The following PTCRA variants were observed in gnomAD, a reference collection of about 807,000 sequenced individuals.
PTCRA encodes pre T-cell antigen receptor alpha.
A neutral mutation model predicts 13.4 loss-of-function variants in PTCRA; 9 were observed. That is an observed-to-expected ratio of 0.67 (90% CI 0.41 to 1.18). PTCRA has a LOEUF of 1.18. Among genes scored for constraint, PTCRA ranks in the 50% most tolerant of loss-of-function variants. PTCRA has a pLI of 0.01. For missense variants in PTCRA, 353 were observed against 359.8 expected (o/e 0.98, Z 0.15); for synonymous variants, 153 against 161.9 (o/e 0.94, Z 0.42).
At position 42,920,660 on chromosome 6, in the gene PTCRA, C is replaced by T. The variant is rs1406497723; in HGVS notation, c.59-2367C>T. Among the ~76,000 whole-genome samples the T allele has an allele frequency of 3.9e-5, 6 of 152,106 alleles. 1 individual carries two copies. In the South Asian group the frequency reaches 1.2e-3, roughly 32 times the overall value. The stretch of plus-strand genomic sequence containing the variant: ...CAGGATGGTCTCTATCTCCTGACCT[C>T]GTGATCCACCCACCTTGGCCTCCCA... On this transcript the variant is annotated intron_variant, in intron 1 of 3. Coordinates refer to ENST00000304672, the MANE Select transcript of PTCRA (RefSeq NM_138296.3).
At chr6:42,917,550 T>C (rs1766936584) in intron 1 of PTCRA, among the ~76,000 whole-genome samples, 1 of 139,138 alleles carries the variant, frequency 7.2e-6, no homozygotes, top group African/African-American at 2.9e-5. Context: ...ATTATTATTA[T>C]TATTATTATT....
At chr6:42,918,689 C>T (rs1477413845) in intron 1 of PTCRA, among the ~76,000 whole-genome samples, 4 of 152,032 alleles carry the variant, frequency 2.6e-5, no homozygotes, top group African/African-American at 9.7e-5. Flanking sequence ...AAATCTTAGT[C>T]ATCCTTCAAA....
At position 42,923,364 on chromosome 6, in the gene PTCRA, G is replaced by T. The variant is rs763604373; in HGVS notation, c.379+17G>T. 57 of 1,610,406 alleles carry T rather than the reference G, an allele frequency of 3.5e-5. No homozygotes were observed. In the East Asian group the frequency reaches 1.2e-3, roughly 35 times the overall value. On this transcript the variant is annotated intron_variant, in intron 2 of 3. Transcript: ENST00000304672. Reference sequence around the variant, plus strand: ...ATCTGTCAGGTGGGGATGGAGCCTGGGCCCTTGCGGATGCTCCCTGTCCCC... The same window carrying T: ...ATCTGTCAGGTGGGGATGGAGCCTGTGCCCTTGCGGATGCTCCCTGTCCCC...
Position 42,923,310 on chromosome 6 carries a change from G to C in PTCRA, c.342G>C (p.Glu114Asp), listed in dbSNP as rs1245793080. Reference protein sequence around the residue: ...PLVCHTGPGAEGHSRSTQPMH... With the variant: ...PLVCHTGPGADGHSRSTQPMH... ...TCTGCCACACTGGGCCTGGGGCTGA[G>C]GGTCACAGCAGGAGTACACAGCCCA... Residue 114 changes from glutamate (E) to aspartate (D), a missense_variant, in exon 2 of 4, where the codon GAG becomes GAC. By Grantham distance (45) the Glu-to-Asp change is conservative (BLOSUM62 2). Coordinates refer to ENST00000304672, the MANE Select transcript of PTCRA (RefSeq NM_138296.3). 6.2e-7 allele frequency: 1 copy of C among 1,614,208 alleles called. No homozygotes were observed. The highest frequency in any genetic ancestry group is 8.5e-7 in the Non-Finnish European group (1 of 1,180,028).
chr6:42,923,999 C>T (rs1193917517), intron 2 of PTCRA, among the ~76,000 whole-genome samples: 1 of 152,166 alleles, frequency 6.6e-6, no homozygotes, highest in Admixed American at 6.5e-5. Flanking sequence ...TTCCGGGCTC[C>T]CCAGCCTCCC....
chr6:42,918,184 A>C (rs1373968716), intron 1 of PTCRA, among the ~76,000 whole-genome samples: 1 of 145,820 alleles, frequency 6.9e-6, no homozygotes, highest in South Asian at 2.2e-4. Flanking sequence ...TGAACCCGGG[A>C]GGAGGAGGTT....
intron 1 of PTCRA, among the ~76,000 whole-genome samples, 168 bp from the exon 2 acceptor site, chr6:42,922,859 T>C (rs919895303): frequency 8.6e-5 from 13 of 151,486 alleles, no homozygotes; most frequent in African/African-American, 2.9e-4. Context: ...GGTGGCTAGA[T>C]GGGAAAATGC....
chr6:42,922,980 G>A (rs1378822989), intron 1 of PTCRA, 47 bp from the exon 2 acceptor site: 1 of 1,566,036 alleles, frequency 6.4e-7, no homozygotes, highest in South Asian at 1.1e-5. Flanking sequence ...GCTGGCCTGG[G>A]AGGCCAAAAG....
chr6:42,921,776 G>A (rs1042707396), intron 1 of PTCRA, among the ~76,000 whole-genome samples: 14 of 145,906 alleles, frequency 9.6e-5, no homozygotes, highest in African/African-American at 3.3e-4. Flanking sequence ...CCTCACGCCT[G>A]TAATCCTAGC....
chr6:42,922,160 T>A (rs1767201763), intron 1 of PTCRA: 3 of 688,252 alleles, frequency 4.4e-6, no homozygotes, highest in Non-Finnish European at 7.9e-6. Context: ...ATCAGACTTT[T>A]AAAAAAAGAA....
At chr6:42,923,662 A>G (rs1767298120) in intron 2 of PTCRA, among the ~76,000 whole-genome samples, 1 of 152,248 alleles carries the variant, frequency 6.6e-6, no homozygotes, top group African/African-American at 2.4e-5. Flanking sequence ...TATAAGGACC[A>G]AACTAATTAA....
Position 42,923,069 on chromosome 6 carries a change from T to G in PTCRA, c.101T>G (p.Met34Arg). The G allele has an allele frequency of 6.2e-7, 1 of 1,614,266 alleles. No homozygotes were observed. Among genetic ancestry groups the G allele is most frequent in the Non-Finnish European group, 8.5e-7 (1 of 1,180,054 alleles). ...TPFPSLAPPIMLLVDGKQQMV... is the reference protein window; with the variant it reads ...TPFPSLAPPIRLLVDGKQQMV... ...TTTCCTTCTCTGGCCCCACCAATCA[T>G]GCTGCTGGTGGATGGAAAGCAGCAG... Residue 34 changes from methionine (M) to arginine (R), a missense_variant, in exon 2 of 4, where the codon ATG becomes AGG. Coordinates refer to ENST00000304672, the MANE Select transcript of PTCRA (RefSeq NM_138296.3).
Position 42,923,080 on chromosome 6 carries a change from G to C in PTCRA, c.112G>C (p.Asp38His), listed in dbSNP as rs1767264170. Residue 38 changes from aspartate to histidine, a missense_variant, in exon 2 of 4, where the codon GAT becomes CAT. Coordinates refer to ENST00000304672, the MANE Select transcript of PTCRA (RefSeq NM_138296.3). ...SLAPPIMLLV[D>H]GKQQMVVVCL... ...GGCCCCACCAATCATGCTGCTGGTG[G>C]ATGGAAAGCAGCAGATGGTGGTGGT... The C allele has an allele frequency of 6.2e-7, 1 of 1,614,122 alleles. No individual in the cohort carries two copies. Among genetic ancestry groups the C allele is most frequent in the African/African-American group, 1.3e-5 (1 of 74,936 alleles).
intron 1 of PTCRA, among the ~76,000 whole-genome samples, chr6:42,921,799 C>T (rs1270149198): frequency 6.7e-6 from 1 of 149,482 alleles, no homozygotes. Flanking sequence ...TTTGGGAGGC[C>T]AGGGCGGGCA....
rs774263017 is a variant in PTCRA at position 42,925,649 on chromosome 6, C to G, written c.813C>G (p.Asp271Glu). Residue 271 changes from aspartate (D) to glutamate (E), a missense_variant, in exon 4 of 4, where the codon GAC becomes GAG. By Grantham distance (45) the Asp-to-Glu change is conservative (BLOSUM62 2). Coordinates refer to ENST00000304672, the MANE Select transcript of PTCRA (RefSeq NM_138296.3). This position sits in a 1 kb window ranked among gnomAD's most constrained non-coding sequence, Gnocchi z 4.4. ...SSSLGAFFAG[D>E]LPPPLQAGAA ...GTCTTGGAGCATTTTTTGCAGGTGA[C>G]CTGCCTCCTCCTCTGCAGGCTGGAG... The G allele has an allele frequency of 2.6e-6, 4 of 1,547,314 alleles. No homozygotes were observed. The Admixed American group carries it at 7.8e-5, about 30-fold the overall frequency.
intron 2 of PTCRA, among the ~76,000 whole-genome samples, chr6:42,923,584 A>G (rs766983221): frequency 4.6e-5 from 7 of 152,226 alleles, no homozygotes; most frequent in Non-Finnish European, 8.8e-5. Context: ...TTCCAAGGAT[A>G]AAAATGCCTC....
At chr6:42,924,459 G>A in intron 3 of PTCRA, 186 bp downstream of exon 3, 2 of 651,910 alleles carry the variant, frequency 3.1e-6, no homozygotes, top group Non-Finnish European at 5.5e-6. Context: ...AGCATAAGAT[G>A]GGGGTGAATC....
chr6:42,925,216 G>A lies in PTCRA; in HGVS notation c.425-45G>A, dbSNP rs573503571. 6.5e-7 allele frequency: 1 copy of A among 1,546,598 alleles called. No homozygotes were observed. Among genetic ancestry groups the A allele is most frequent in the East Asian group, 2.4e-5 (1 of 42,436 alleles). On this transcript the variant is annotated intron_variant, in intron 3 of 3. Coordinates refer to ENST00000304672, the MANE Select transcript of PTCRA (RefSeq NM_138296.3). This position sits in a 1 kb window ranked among gnomAD's most constrained non-coding sequence, Gnocchi z 4.4. ...TCTCCGCCGTTCTCTCCTGGGGTAG[G>A]GGGCTGCGGGCTCCTGCGGGCTCCT...
chr6:42,925,235 G>A lies in PTCRA; in HGVS notation c.425-26G>A. The A allele has an allele frequency of 6.4e-7, 1 of 1,570,970 alleles. No homozygotes were observed. The highest frequency in any genetic ancestry group is 8.6e-7 in the Non-Finnish European group (1 of 1,165,826). ...GGGTAGGGGGCTGCGGGCTCCTGCG[G>A]GCTCCTGAGCGGTTCCTCCTCGCAG... On this transcript the variant is annotated intron_variant, in intron 3 of 3. Transcript: ENST00000304672. This position sits in a 1 kb window ranked among gnomAD's most constrained non-coding sequence, Gnocchi z 4.4.
Sources: allele counts gnomAD v4.1 joint callset (sites outside exome capture counted in the v4.1 genomes callset), GRCh38; gene constraint gnomAD v4.1.1; non-coding constraint Gnocchi (gnomAD v3.1); transcripts MANE v1.5; gene names NCBI Gene and HGNC (gene_info 2026-07-23, HGNC 2026-07-21).